The following ABHD8 variants were observed in gnomAD, a reference collection of about 807,000 sequenced individuals.
ABHD8 encodes the protein abhydrolase domain containing 8.
ABHD8 carries 10 observed loss-of-function variants against 29.3 expected under a neutral mutation model. That is an observed-to-expected ratio of 0.34 (90% CI 0.21 to 0.58). The LOEUF (loss-of-function observed/expected upper bound fraction) is 0.58. Among genes scored for constraint, ABHD8 ranks in the 20% least tolerant of loss-of-function variants. The probability of loss-of-function intolerance (pLI) is 0.85; values close to 1 mark genes in which losing one functional copy is unlikely to be tolerated. For missense variants in ABHD8, 556 were observed against 615.3 expected (o/e 0.90, Z 1.02); for synonymous variants, 282 against 274.6 (o/e 1.03, Z -0.27).
At chr19:17,294,238 G>T in intron 4 of ABHD8, 50 bp downstream of exon 4, 1 of 1,574,346 alleles carries the variant, frequency 6.4e-7, no homozygotes, top group Non-Finnish European at 8.6e-7. Context: ...CCCCTCCCGG[G>T]CAGCACCCTG....
At position 17,292,521 on chromosome 19, in the gene ABHD8, C is replaced by G; in HGVS notation, c.*140G>C. 1 of 1,030,690 alleles carries G rather than the reference C, an allele frequency of 9.7e-7. No individual in the cohort carries two copies. The highest frequency in any genetic ancestry group is 1.3e-6 in the Non-Finnish European group (1 of 751,830). 63.8% of individuals were successfully genotyped at this position (1,030,690 alleles called of 1,614,324 possible). A position where few individuals can be genotyped will look rare whatever the true frequency, so the allele number is the denominator to read the frequency against. On this transcript the variant is annotated 3_prime_UTR_variant, in exon 5 of 5. Transcript: ENST00000247706. ...GGATGCCACGCCCCGCCCAGGCAGC[C>G]TGGGGGCGTCTCCCTGACCTGGCCC... is the stretch of plus-strand genomic sequence containing the variant.
chr19:17,302,558 C>T (rs2074125583), intron 1 of ABHD8, among the ~76,000 whole-genome samples: 1 of 152,188 alleles, frequency 6.6e-6, no homozygotes, highest in African/African-American at 2.4e-5. Flanking sequence ...GACTGAGCCA[C>T]AGAAAGCCTT....
At position 17,294,806 on chromosome 19, in the gene ABHD8, G is replaced by A. The variant is rs1306751408; in HGVS notation, c.801C>T (p.Asp267=). ...TGATCATGATCACCTTGTGCACTAG[G>A]TCTGGGTACTCATGTGCCAGGAATG... is the stretch of plus-strand genomic sequence containing the variant. ...FCTFLAHEYP[D]LVHKVIMING... The change falls in exon 3 of 5, where the codon GAC becomes GAT. Residue 267 remains aspartate (D), a synonymous_variant. Transcript: ENST00000247706. 2 of 1,614,210 alleles carry A rather than the reference G, an allele frequency of 1.2e-6. No homozygotes were observed. Among genetic ancestry groups the A allele is most frequent in the Non-Finnish European group, 1.7e-6 (2 of 1,180,038 alleles).
intron 2 of ABHD8, among the ~76,000 whole-genome samples, chr19:17,295,299 G>T (rs1367769076): frequency 1.3e-5 from 2 of 152,048 alleles, no homozygotes; most frequent in East Asian, 3.9e-4. Flanking sequence ...TAGAGATGGG[G>T]TTTCACCATG....
rs967221339 is a variant in ABHD8 at position 17,292,554 on chromosome 19, C to T, written c.*107G>A. On this transcript the variant is annotated 3_prime_UTR_variant, in exon 5 of 5. Coordinates refer to ENST00000247706, the MANE Select transcript of ABHD8 (RefSeq NM_024527.5). ...GTCTCCCTGACCTGGCCCCGCCCAC[C>T]GGAGCGAACGGCCCGCCCAGGTGGT... The T allele has an allele frequency of 3.8e-6, 5 of 1,310,840 alleles. No homozygotes were observed. Among genetic ancestry groups the T allele is most frequent in the Admixed American group, 3.2e-5 (1 of 31,468 alleles). 81.2% of individuals were successfully genotyped at this position (1,310,840 alleles called of 1,614,324 possible). A position where few individuals can be genotyped will look rare whatever the true frequency, so the allele number is the denominator to read the frequency against.
At chr19:17,294,007 G>A (rs1462365148) in intron 4 of ABHD8, among the ~76,000 whole-genome samples, 1 of 152,116 alleles carries the variant, frequency 6.6e-6, no homozygotes, top group Non-Finnish European at 1.5e-5. Flanking sequence ...CCGCTGTGAG[G>A]AGAGCCTTCT....
intron 2 of ABHD8, among the ~76,000 whole-genome samples, chr19:17,300,319 C>T (rs1257852402): frequency 6.6e-6 from 1 of 151,956 alleles, no homozygotes; most frequent in Non-Finnish European, 1.5e-5. Flanking sequence ...AATCTCCTGC[C>T]TCAGCCCTTA....
chr19:17,292,239 A>G lies in ABHD8; in HGVS notation c.*422T>C. On this transcript the variant is annotated 3_prime_UTR_variant, in exon 5 of 5. Transcript: ENST00000247706. ...GCAAAAATAGCTCCCAGCGCCGAGG[A>G]ATGGGGGGTAGGAAGGGTCTCGGAT... is the stretch of plus-strand genomic sequence containing the variant. 5.1e-6 allele frequency: 1 copy of G among 194,900 alleles called. No individual in the cohort carries two copies. The highest frequency in any genetic ancestry group is 1.0e-5 in the Non-Finnish European group (1 of 96,584). The allele number at this position is 194,900 out of a possible 1,614,324, so 12.1% of individuals were successfully genotyped here. A position where few individuals can be genotyped will look rare whatever the true frequency, so the allele number is the denominator to read the frequency against.
At chr19:17,299,851 T>G (rs2074109581) in intron 2 of ABHD8, among the ~76,000 whole-genome samples, 1 of 152,034 alleles carries the variant, frequency 6.6e-6, no homozygotes, top group African/African-American at 2.4e-5. Context: ...TCTCCAATGA[T>G]CCATCCACAA....
intron 3 of ABHD8, 52 bp from the exon 4 acceptor site, chr19:17,294,556 T>C (rs758822540): frequency 1.2e-6 from 2 of 1,611,364 alleles, no homozygotes; most frequent in Admixed American, 3.3e-5. Context: ...CCGACTGCCG[T>C]GGGGTGCCCC....
rs753121204 is a variant in ABHD8, at chr19:17,301,129, TCA to T, written c.486_487del (p.Cys162Ter). 1 of 1,612,900 alleles carries T rather than the reference TCA, an allele frequency of 6.2e-7. No homozygotes were observed. The highest frequency in any genetic ancestry group is 8.5e-7 in the Non-Finnish European group (1 of 1,179,994). On this transcript the variant is annotated stop_gained and frameshift_variant, in exon 2 of 5. Transcript: ENST00000247706. LOFTEE classifies it high-confidence loss of function. ...GCCTTTGCAGCTAGTGATGCGCTTC[TCA>T]CAGTCAATATGGATGGTCCTCTTGG...
At chr19:17,296,411 A>G (rs1345170558) in intron 2 of ABHD8, 1 of 152,200 alleles carries the variant, frequency 6.6e-6, no homozygotes, top group Non-Finnish European at 1.5e-5. Flanking sequence ...CTCATCAGCA[A>G]GTGGTAGGAA....
At position 17,301,221 on chromosome 19, in the gene ABHD8, G is replaced by A. The variant is rs1014000322; in HGVS notation, c.396C>T (p.Ala132=). The A allele has an allele frequency of 1.2e-5, 19 of 1,594,262 alleles. No individual in the cohort carries two copies. The highest frequency in any genetic ancestry group is 1.6e-5 in the Non-Finnish European group (19 of 1,173,760). ...ADPAGSDGRL[A]PGSAGSGSGS... ...CGCTGCCGCTGCCTGCGCTGCCGGG[G>A]GCCAAGCGGCCATCGCTGCCCGCCG... Residue 132 remains alanine, a synonymous_variant, in exon 2 of 5, where the codon GCC becomes GCT. Transcript: ENST00000247706.
At position 17,294,420 on chromosome 19, in the gene ABHD8, C is replaced by T; in HGVS notation, c.1017G>A (p.Arg339=). The T allele has an allele frequency of 6.2e-7, 1 of 1,614,106 alleles. No individual in the cohort carries two copies. Among genetic ancestry groups the T allele is most frequent in the African/African-American group, 1.3e-5 (1 of 75,060 alleles). ...GCCAGTACTGGCCGCTCATCATGGC[C>T]CGGAGTACGAAGGATGACACGTTGA... ...NAFNVSSFVL[R]AMMSGQYWPE... is the part of the protein sequence containing the mutation. The change falls in exon 4 of 5, where the codon CGG becomes CGA. Residue 339 remains arginine (R), a synonymous_variant. Transcript: ENST00000247706.
At chr19:17,293,259 C>A (rs574616084) in intron 4 of ABHD8, among the ~76,000 whole-genome samples, 7 of 152,030 alleles carry the variant, frequency 4.6e-5, no homozygotes, top group Admixed American at 4.6e-4. Context: ...CTACACCCGG[C>A]TAATTTTTTG....
At chr19:17,294,983 G>T in intron 2 of ABHD8, 138 bp from the exon 3 acceptor site, 3 of 1,070,712 alleles carry the variant, frequency 2.8e-6, no homozygotes, top group East Asian at 2.7e-5. Flanking sequence ...GAATGCAGTG[G>T]CTCCATCTTG....
At position 17,294,512 on chromosome 19, in the gene ABHD8, T is replaced by A. The variant is rs775823503; in HGVS notation, c.933-8A>T. On this transcript the variant is annotated splice_polypyrimidine_tract_variant and splice_region_variant and intron_variant, in intron 3 of 4. Transcript: ENST00000247706. ...TGGCGGGCGAAGCCGGCCCTGGTGGTGGTGGAGGCACCGCTAGAGCCCCTT... is the reference window on the plus strand; with the variant it reads ...TGGCGGGCGAAGCCGGCCCTGGTGGAGGTGGAGGCACCGCTAGAGCCCCTT... 1.9e-6 allele frequency: 3 copies of A among 1,613,574 alleles called. No individual in the cohort carries two copies. Among genetic ancestry groups the A allele is most frequent in the Non-Finnish European group, 2.5e-6 (3 of 1,179,972 alleles).
At chr19:17,299,847 A>G (rs1043839721) in intron 2 of ABHD8, among the ~76,000 whole-genome samples, 5 of 151,812 alleles carry the variant, frequency 3.3e-5, no homozygotes, top group African/African-American at 1.2e-4. Flanking sequence ...CTCATCTCCA[A>G]TGATCCATCC....
At position 17,301,184 on chromosome 19, in the gene ABHD8, C is replaced by T. The variant is rs1427781814; in HGVS notation, c.433G>A (p.Gly145Ser). Reference protein sequence around the residue: ...SAGSGSGSGSGGRRRRARRPK... With the variant: ...SAGSGSGSGSSGRRRRARRPK... ...CGCCTGGCTCGCCGCCGCCGCCCACCACTGCCACTGCCGCTGCCGCTGCCT... is the reference window on the plus strand; with the variant it reads ...CGCCTGGCTCGCCGCCGCCGCCCACTACTGCCACTGCCGCTGCCGCTGCCT... Residue 145 changes from glycine to serine, a missense_variant, in exon 2 of 5, where the codon GGT becomes AGT. By Grantham distance (56) the Gly-to-Ser change is moderately conservative. Around this residue, in one of 2 missense-constraint regions of ABHD8, gnomAD observed 286 missense variants for 261.4 expected, o/e 1.09. Coordinates refer to ENST00000247706, the MANE Select transcript of ABHD8 (RefSeq NM_024527.5). The T allele has an allele frequency of 6.2e-7, 1 of 1,605,372 alleles. No individual in the cohort carries two copies.
Sources: gnomAD v4.1 joint callset for allele counts (sites outside exome capture counted in the v4.1 genomes callset) on GRCh38, gnomAD v4.1.1 for gene constraint, gnomAD v4.1.1 regional missense constraint, MANE v1.5 for transcripts, NCBI Gene and HGNC (gene_info 2026-07-23, HGNC 2026-07-21) for gene names.